Variants in TTLL1 observed in about 807,000 individuals in gnomAD.
TTLL1 encodes the protein TTL family tubulin polyglutamylase complex subunit L1, also known as polyglutamylase complex subunit TTLL1.
A neutral mutation model predicts 47.8 loss-of-function variants in TTLL1; 33 were observed. That is an observed-to-expected ratio of 0.69 (90% confidence interval 0.52 to 0.92). The LOEUF (loss-of-function observed/expected upper bound fraction) is 0.92, where lower values mean the gene tolerates loss of function less well. TTLL1 is among the 40% of genes least tolerant of loss of function. TTLL1 has a pLI of 0.00. For missense variants in TTLL1, 488 were observed against 547.5 expected (o/e 0.89, Z 1.08); for synonymous variants, 225 against 214.1 (o/e 1.05, Z -0.45).
At chr22:43,061,767 T>C (rs1011934744) in intron 7 of TTLL1, among the ~76,000 whole-genome samples, 3 of 152,162 alleles carry the variant, frequency 2.0e-5, no homozygotes, top group Non-Finnish European at 2.9e-5. Flanking sequence ...TTTCAGCCCC[T>C]GTAATGCTCC....
chr22:43,064,137 C>T lies in TTLL1; in HGVS notation c.638+53G>A, dbSNP rs570819531. The T allele has an allele frequency of 1.7e-4, 265 of 1,589,264 alleles. 1 individual carries two copies. In the African/African-American group the frequency reaches 3.4e-3, roughly 20 times the overall value. On this transcript the variant is annotated intron_variant, in intron 6 of 10. Coordinates refer to ENST00000266254, the MANE Select transcript of TTLL1 (RefSeq NM_012263.5). ...CTCACAATGGTGCTAAGAAGAAAGACGTTTTGGGTGAAAACACAATCAAGA... is the reference window on the plus strand; with the variant it reads ...CTCACAATGGTGCTAAGAAGAAAGATGTTTTGGGTGAAAACACAATCAAGA...
chr22:43,074,667 T>G (rs1364646589), intron 3 of TTLL1, among the ~76,000 whole-genome samples: 1 of 151,428 alleles, frequency 6.6e-6, no homozygotes, highest in Non-Finnish European at 1.5e-5. Flanking sequence ...ATGGGAAGAC[T>G]CTGCCTCTGA....
At chr22:43,040,048 C>T (rs1244447516) in intron 10 of TTLL1, 143 bp from the exon 11 acceptor site, 6 of 1,131,820 alleles carry the variant, frequency 5.3e-6, no homozygotes, top group East Asian at 2.6e-5. Context: ...TGCTGGCTCC[C>T]GCCCACCTCC....
At chr22:43,070,681 A>G (rs989117076) in intron 3 of TTLL1, among the ~76,000 whole-genome samples, 1 of 152,116 alleles carries the variant, frequency 6.6e-6, no homozygotes, top group Non-Finnish European at 1.5e-5. Context: ...AGAAAGCGTT[A>G]AGGGACCCCC....
chr22:43,060,747 A>G (rs1453866378), intron 7 of TTLL1, among the ~76,000 whole-genome samples: 1 of 152,226 alleles, frequency 6.6e-6, no homozygotes, highest in Non-Finnish European at 1.5e-5. Flanking sequence ...TTGAAGGCAA[A>G]GAGCTAGAAA....
intron 5 of TTLL1, 150 bp from the exon 6 acceptor site, chr22:43,064,474 C>T (rs1367712247): frequency 3.3e-6 from 3 of 912,378 alleles, no homozygotes; most frequent in Non-Finnish European, 4.8e-6. Flanking sequence ...GCCTGTAATC[C>T]CAGCACTTTG....
intron 1 of TTLL1, among the ~76,000 whole-genome samples, chr22:43,080,815 T>C (rs1928826562): frequency 1.3e-5 from 2 of 149,810 alleles, no homozygotes; most frequent in Non-Finnish European, 1.5e-5. Context: ...CAGAACTGCC[T>C]ACCTTGCATT....
intron 7 of TTLL1, among the ~76,000 whole-genome samples, chr22:43,062,229 A>C (rs1202624987): frequency 1.3e-5 from 2 of 152,204 alleles, no homozygotes; most frequent in Non-Finnish European, 2.9e-5. Flanking sequence ...GCAGTAGCTC[A>C]CACCTCTAAT....
At chr22:43,070,716 GC>G (rs1274427478) in intron 3 of TTLL1, among the ~76,000 whole-genome samples, 1 of 152,070 alleles carries the variant, frequency 6.6e-6, no homozygotes, top group African/African-American at 2.4e-5. Flanking sequence ...CCAGTTAACG[GC>G]ACGTGGCCAG....
intron 1 of TTLL1, among the ~76,000 whole-genome samples, chr22:43,081,205 C>T (rs879713396): frequency 1.4e-4 from 21 of 152,112 alleles, no homozygotes; most frequent in South Asian, 1.0e-3. Context: ...CGTGAGCCAC[C>T]GCGCCCGGCT....
intron 3 of TTLL1, among the ~76,000 whole-genome samples, chr22:43,072,659 G>T (rs28599928): frequency 0.077 from 11,728 of 152,138 alleles, 579 homozygotes; most frequent in Non-Finnish European, 0.11. Flanking sequence ...TGTTTGTAGA[G>T]ATGAGGTTTC....
intron 1 of TTLL1, among the ~76,000 whole-genome samples, chr22:43,087,361 C>T (rs1270314870): frequency 2.6e-5 from 4 of 151,714 alleles, no homozygotes; most frequent in South Asian, 2.1e-4. Context: ...CCCGTCTCTA[C>T]TAAAAATACA....
chr22:43,071,117 A>G (rs891083185), intron 3 of TTLL1, among the ~76,000 whole-genome samples: 4 of 151,924 alleles, frequency 2.6e-5, no homozygotes, highest in African/African-American at 4.8e-5. Context: ...GGGATTTGCC[A>G]TGTTGCCCAG....
At chr22:43,066,610 T>C (rs1285294060) in intron 5 of TTLL1, among the ~76,000 whole-genome samples, 3 of 151,690 alleles carry the variant, frequency 2.0e-5, no homozygotes, top group Non-Finnish European at 4.4e-5. Flanking sequence ...TAGTCTCAGC[T>C]ACTCAGGAGG....
chr22:43,045,586 C>T (rs1231205315), intron 10 of TTLL1, among the ~76,000 whole-genome samples: 3 of 145,320 alleles, frequency 2.1e-5, no homozygotes, highest in Non-Finnish European at 4.5e-5. Context: ...GCTGGGATTA[C>T]AGGTGTGAGC....
intron 7 of TTLL1, among the ~76,000 whole-genome samples, chr22:43,060,311 G>T (rs1217446608): frequency 6.6e-6 from 1 of 152,186 alleles, no homozygotes. Flanking sequence ...CAGGGTGAAA[G>T]CCCTCCCCAA....
Position 43,042,004 on chromosome 22 carries a change from T to TG in TTLL1, c.1143-2100dup, listed in dbSNP as rs370891588. Among the ~76,000 whole-genome samples, 376 of 151,662 alleles carry TG rather than the reference T, an allele frequency of 2.5e-3. 5 individuals are homozygous for TG. Among genetic ancestry groups the TG allele is most frequent in the South Asian group, 0.011 (52 of 4,768 alleles). ...CCTGGAACTCTGGAATCTGCCTGGG[T>TG]GGGGGGGGTCCTCCAGGAAGCCTCC... On this transcript the variant is annotated intron_variant, in intron 10 of 10. Transcript: ENST00000266254.
intron 7 of TTLL1, among the ~76,000 whole-genome samples, chr22:43,063,058 G>GCATGTCACTTT (rs1333079268): frequency 1.3e-5 from 2 of 152,132 alleles, no homozygotes; most frequent in Non-Finnish European, 2.9e-5. Flanking sequence ...CCTACTGAAT[G>GCATGTCACTTT]CATGTCACTT....
intron 10 of TTLL1, among the ~76,000 whole-genome samples, chr22:43,045,339 T>C (rs887883515): frequency 5.3e-5 from 8 of 152,266 alleles, no homozygotes; most frequent in African/African-American, 1.9e-4. Flanking sequence ...TAGTCTTACC[T>C]ACTTCAAAAT....
Sources: allele counts gnomAD v4.1 joint callset (sites outside exome capture counted in the v4.1 genomes callset), GRCh38; gene constraint gnomAD v4.1.1; transcripts MANE v1.5; gene names NCBI Gene and HGNC (gene_info 2026-07-23, HGNC 2026-07-21).